PTPRT: variants seen among roughly 807,000 people sequenced by gnomAD.
PTPRT encodes receptor-type tyrosine-protein phosphatase T.
In PTPRT, 56 loss-of-function variants were observed where a neutral mutation model predicts 176.8. The observed-to-expected ratio is 0.32, with a 90% CI of 0.26 to 0.40. The LOEUF is 0.40. Ranked by LOEUF, PTPRT falls within the 10% of genes least tolerant of loss-of-function variation. The pLI is 1.00. For synonymous variants in PTPRT, 783 were observed against 739.0 expected, an observed-to-expected ratio of 1.06 and a Z score of -0.96; for missense variants, 1,540 against 1,908.2, an observed-to-expected ratio of 0.81 and a Z score of 3.60.
chr20:42,132,833 A>G (rs187533662), intron 18 of PTPRT, among the ~76,000 whole-genome samples: 54 of 152,346 alleles, frequency 3.5e-4, no homozygotes, highest in Non-Finnish European at 5.0e-4. Flanking sequence ...TACCCAAATG[A>G]GGTGAAAACT....
At chr20:42,417,597 A>G (rs938299522) in intron 9 of PTPRT, among the ~76,000 whole-genome samples, 1 of 151,618 alleles carries the variant, frequency 6.6e-6, no homozygotes, top group Admixed American at 6.6e-5. Flanking sequence ...AGAGAAAAAT[A>G]ATGAAATAAA....
intron 1 of PTPRT, among the ~76,000 whole-genome samples, chr20:43,110,640 C>T (rs2012815747): frequency 4.6e-5 from 7 of 152,088 alleles, no homozygotes. Context: ...AAGATATATG[C>T]CCTTTTCTGT....
chr20:42,630,711 GA>G, intron 7 of PTPRT, among the ~76,000 whole-genome samples: 1 of 152,272 alleles, frequency 6.6e-6, no homozygotes, highest in South Asian at 2.1e-4. Context: ...GAAAGAAACA[GA>G]AATATTTGCT....
chr20:42,885,347 A>G (rs2079085270), intron 2 of PTPRT, among the ~76,000 whole-genome samples: 3 of 147,810 alleles, frequency 2.0e-5, no homozygotes, highest in African/African-American at 7.4e-5. Flanking sequence ...ATAACACACA[A>G]TAATAGATAA....
intron 2 of PTPRT, among the ~76,000 whole-genome samples, chr20:42,833,949 G>T (rs969654473): frequency 1.3e-5 from 2 of 152,064 alleles, no homozygotes; most frequent in Non-Finnish European, 2.9e-5. Flanking sequence ...CTTGGACTAG[G>T]CTAAAAATTG....
intron 9 of PTPRT, among the ~76,000 whole-genome samples, chr20:42,426,548 AC>A (rs1473448167): frequency 6.6e-6 from 1 of 152,226 alleles, no homozygotes; most frequent in Non-Finnish European, 1.5e-5. Context: ...GAACCCAGGT[AC>A]TAAGAGGACA....
At chr20:42,848,603 G>T (rs1471614253) in intron 2 of PTPRT, among the ~76,000 whole-genome samples, 2 of 152,018 alleles carry the variant, frequency 1.3e-5, no homozygotes, top group African/African-American at 4.8e-5. Context: ...TCATATGTTT[G>T]TTGGCCATTT....
At chr20:42,060,650 T>A in the PTPRT span, among the ~76,000 whole-genome samples, 1 of 152,258 alleles carries the variant, frequency 6.6e-6, no homozygotes, top group Non-Finnish European at 1.5e-5. Context: ...ACATGACTTG[T>A]TCCTCCTTGC....
At chr20:42,168,853 T>C (rs553481097) in intron 16 of PTPRT, among the ~76,000 whole-genome samples, 1 of 152,302 alleles carries the variant, frequency 6.6e-6, no homozygotes, top group South Asian at 2.1e-4. Context: ...TGAGGAACAG[T>C]AGATTCACAT....
intron 1 of PTPRT, among the ~76,000 whole-genome samples, chr20:43,028,994 T>A (rs1259401893): frequency 1.3e-5 from 2 of 152,152 alleles, no homozygotes; most frequent in African/African-American, 4.8e-5. Flanking sequence ...AAGAAGGCTG[T>A]GCATCTTCAA....
chr20:42,999,294 G>A (rs1984395946), intron 1 of PTPRT, among the ~76,000 whole-genome samples: 1 of 152,064 alleles, frequency 6.6e-6, no homozygotes. Flanking sequence ...AAAGCAAACA[G>A]TCATTATTTC....
chr20:42,581,667 A>C (rs2073375266), intron 7 of PTPRT, among the ~76,000 whole-genome samples: 1 of 152,200 alleles, frequency 6.6e-6, no homozygotes, highest in Non-Finnish European at 1.5e-5. Flanking sequence ...ATGAGTTTGC[A>C]TAGAGAAGGA....
intron 9 of PTPRT, among the ~76,000 whole-genome samples, chr20:42,440,033 A>G (rs1437580015): frequency 1.3e-5 from 2 of 152,108 alleles, no homozygotes; most frequent in Non-Finnish European, 2.9e-5. Flanking sequence ...CAGCCTCCCA[A>G]GTAGCTGGGA....
chr20:42,952,258 C>T (rs1213696856), intron 1 of PTPRT, among the ~76,000 whole-genome samples: 3 of 152,218 alleles, frequency 2.0e-5, no homozygotes, highest in African/African-American at 4.8e-5. Flanking sequence ...GCCCATCCAT[C>T]GCAGTTGGCG....
chr20:43,103,961 TG>T (rs2012496321), intron 1 of PTPRT, among the ~76,000 whole-genome samples: 1 of 152,180 alleles, frequency 6.6e-6, no homozygotes, highest in Admixed American at 6.5e-5. Flanking sequence ...AAGTAATGCA[TG>T]GAGAGCAGAT....
Position 42,077,801 on chromosome 20 carries a change from A to C in PTPRT, c.*3078T>G, listed in dbSNP as rs1405294638. 5.4e-6 allele frequency: 1 copy of C among 185,236 alleles called. No homozygotes were observed. Among genetic ancestry groups the C allele is most frequent in the African/African-American group, 2.6e-5 (1 of 39,026 alleles). The allele number at this position is 185,236 out of a possible 1,614,324, so 11.5% of individuals were successfully genotyped here. On this transcript the variant is annotated 3_prime_UTR_variant, in exon 31 of 31. Transcript: ENST00000373187. Reference sequence around the variant, plus strand: ...CACTGGCCCTTGCTGGGTTACCCCAACATGGCCTGAGATTTTTTTTTTTTG... The same window carrying C: ...CACTGGCCCTTGCTGGGTTACCCCACCATGGCCTGAGATTTTTTTTTTTTG...
At chr20:43,118,833 A>C (rs560253402) in intron 1 of PTPRT, among the ~76,000 whole-genome samples, 1 of 152,350 alleles carries the variant, frequency 6.6e-6, no homozygotes, top group Admixed American at 6.5e-5. Context: ...CTGGGATTCC[A>C]ACCAAATCCT....
At chr20:42,353,210 C>T (rs2058311957) in intron 9 of PTPRT, among the ~76,000 whole-genome samples, 1 of 152,140 alleles carries the variant, frequency 6.6e-6, no homozygotes, top group Non-Finnish European at 1.5e-5. Context: ...GTAGAGCGTC[C>T]CGATGAGAAT....
chr20:42,209,981 G>A (rs2055580084), intron 15 of PTPRT, among the ~76,000 whole-genome samples: 1 of 152,158 alleles, frequency 6.6e-6, no homozygotes. Flanking sequence ...TGGGATGCAA[G>A]GCTGGTTCAA....
Sources: allele counts gnomAD v4.1 joint callset (sites outside exome capture counted in the v4.1 genomes callset), GRCh38; gene constraint gnomAD v4.1.1; transcripts MANE v1.5; gene names NCBI Gene and HGNC (gene_info 2026-07-23, HGNC 2026-07-21).